The following EDA2R variants were observed in gnomAD, a reference collection of about 807,000 sequenced individuals.
The protein encoded by EDA2R is ectodysplasin A2 receptor, also known as tumor necrosis factor receptor superfamily member 27.
EDA2R carries 26 observed loss-of-function variants against 20.1 expected under a neutral mutation model. That is an observed-to-expected ratio of 1.30 (90% CI 0.95 to 1.80). The LOEUF (loss-of-function observed/expected upper bound fraction) is 1.80. EDA2R is among the 40% of genes most tolerant of loss of function. EDA2R has a pLI of 0.00. For missense variants in EDA2R, 277 were observed against 228.7 expected (o/e 1.21, Z -1.36); for synonymous variants, 114 against 88.7 (o/e 1.29, Z -1.60).
chrX:66,629,247 A>C (rs1933461973), intron 1 of EDA2R, among the ~76,000 whole-genome samples: 1 of 111,639 alleles, frequency 9.0e-6, no homozygotes, highest in Non-Finnish European at 1.9e-5. Context: ...CTGAATGGGG[A>C]AAAGTTAAAA....
At chrX:66,635,664 AAC>A (rs1214108130) in intron 1 of EDA2R, among the ~76,000 whole-genome samples, 2 of 112,196 alleles carry the variant, frequency 1.8e-5, no homozygotes, top group African/African-American at 3.2e-5. Flanking sequence ...CTTAAACCCT[AAC>A]AGCTGTGGAA....
chrX:66,599,222 A>G (rs1928041951), intron 6 of EDA2R, among the ~76,000 whole-genome samples: 1 of 111,245 alleles, frequency 9.0e-6, no homozygotes, highest in African/African-American at 3.3e-5. Context: ...CTTACGAAAG[A>G]CCAGAATGGA....
intron 1 of EDA2R, among the ~76,000 whole-genome samples, chrX:66,622,243 C>T (rs1342910869): frequency 9.0e-6 from 1 of 111,574 alleles, no homozygotes; most frequent in Non-Finnish European, 1.9e-5. Context: ...TGCAAGCAGA[C>T]AGGGAAGAGG....
chrX:66,616,087 GCTTC>G, intron 1 of EDA2R, 57 bp from the exon 2 acceptor site: 6 of 838,981 alleles, frequency 7.2e-6, no homozygotes, highest in Non-Finnish European at 1.1e-5. Context: ...ATAAGTAGTG[GCTTC>G]CATGCCACTT....
intron 2 of EDA2R, among the ~76,000 whole-genome samples, chrX:66,615,448 G>T (rs149713744): frequency 9.0e-6 from 1 of 111,638 alleles, no homozygotes; most frequent in Non-Finnish European, 1.9e-5. Flanking sequence ...TCTCTGCCTT[G>T]CTGGTCATTT....
intron 1 of EDA2R, among the ~76,000 whole-genome samples, chrX:66,619,009 G>C (rs1439431014): frequency 8.9e-6 from 1 of 112,151 alleles, no homozygotes; most frequent in Admixed American, 9.5e-5. Context: ...ATACATATGA[G>C]ACGTTTGGTA....
chrX:66,631,013 A>G, intron 1 of EDA2R, among the ~76,000 whole-genome samples: 1 of 109,971 alleles, frequency 9.1e-6, no homozygotes, highest in Non-Finnish European at 1.9e-5. Flanking sequence ...GTTTGTGTGT[A>G]TATATACATA....
rs1485743571 is a variant in EDA2R at position 66,597,430 on chromosome X, G to C, written c.*674C>G. On this transcript the variant is annotated 3_prime_UTR_variant, in exon 7 of 7. Transcript: ENST00000374719. ...ACTTTGGCTCAGAAATGTTCTGTAA[G>C]GTTCCAAAATGGCGAACTTCAGCCC... 8.9e-6 allele frequency: 1 copy of C among 111,798 alleles called. No individual in the cohort carries two copies. Among genetic ancestry groups the C allele is most frequent in the Non-Finnish European group, 1.9e-5 (1 of 53,195 alleles). 9.2% of individuals were successfully genotyped at this position (111,798 alleles called of 1,213,427 possible).
At chrX:66,635,735 A>G (rs1310545219) in intron 1 of EDA2R, among the ~76,000 whole-genome samples, 1 of 112,014 alleles carries the variant, frequency 8.9e-6, no homozygotes, top group Non-Finnish European at 1.9e-5. Flanking sequence ...TCTGGCACAG[A>G]TGCTTACTAA....
intron 1 of EDA2R, among the ~76,000 whole-genome samples, chrX:66,636,847 T>C (rs942327345): frequency 2.7e-5 from 3 of 110,489 alleles, no homozygotes; most frequent in East Asian, 2.9e-4. Flanking sequence ...CTACTTCTCA[T>C]TGGGCTTACT....
In EDA2R at chrX:66,595,723, G is replaced by A. The variant is rs1927324709; in HGVS notation, c.*2381C>T. 1 of 111,958 alleles carries A rather than the reference G, an allele frequency of 8.9e-6. No individual in the cohort carries two copies. Among genetic ancestry groups the A allele is most frequent in the South Asian group, 3.8e-4 (1 of 2,648 alleles). 9.2% of individuals were successfully genotyped at this position (111,958 alleles called of 1,213,427 possible). A position where few individuals can be genotyped will look rare whatever the true frequency, so the allele number is the denominator to read the frequency against. On this transcript the variant is annotated 3_prime_UTR_variant, in exon 7 of 7. Transcript: ENST00000374719. ...CATAGCCCTGCCAGTATCTACACAT[G>A]CATATGGCTCAAGAGTTAACAAAAT...
intron 1 of EDA2R, among the ~76,000 whole-genome samples, chrX:66,627,916 A>T (rs1266302948): frequency 8.9e-6 from 1 of 112,031 alleles, no homozygotes; most frequent in Non-Finnish European, 1.9e-5. Flanking sequence ...ACTTTCTCCA[A>T]GATAGGCCGT....
At chrX:66,621,755 G>A (rs546614121) in intron 1 of EDA2R, among the ~76,000 whole-genome samples, 2 of 111,702 alleles carry the variant, frequency 1.8e-5, no homozygotes, top group South Asian at 7.5e-4. Flanking sequence ...AAAGGGAAAT[G>A]GGAAGTGACT....
chrX:66,621,821 G>T (rs1470289876), intron 1 of EDA2R, among the ~76,000 whole-genome samples: 1 of 111,955 alleles, frequency 8.9e-6, no homozygotes, highest in Non-Finnish European at 1.9e-5. Context: ...ATTAGACAGT[G>T]GTGACGGTCG....
chrX:66,627,593 C>T, intron 1 of EDA2R, among the ~76,000 whole-genome samples: 1 of 112,172 alleles, frequency 8.9e-6, no homozygotes. Flanking sequence ...CAATCCTAAA[C>T]ATATATGCAA....
chrX:66,603,507 C>T (rs1329963356), intron 4 of EDA2R, among the ~76,000 whole-genome samples: 1 of 111,714 alleles, frequency 9.0e-6, no homozygotes, highest in Non-Finnish European at 1.9e-5. Flanking sequence ...AGTATGTCTC[C>T]TCCATCTCTT....
intron 1 of EDA2R, among the ~76,000 whole-genome samples, chrX:66,625,879 T>G (rs1353252733): frequency 2.7e-5 from 3 of 111,665 alleles, no homozygotes; most frequent in Non-Finnish European, 3.8e-5. Flanking sequence ...CAAAGCCGGA[T>G]AGACTTGGTG....
At chrX:66,634,181 T>C (rs1033731637) in intron 1 of EDA2R, among the ~76,000 whole-genome samples, 1 of 112,212 alleles carries the variant, frequency 8.9e-6, no homozygotes, top group African/African-American at 3.2e-5. Flanking sequence ...GAGGCATGTC[T>C]GTACAAAATG....
At chrX:66,626,054 G>A (rs769776968) in intron 1 of EDA2R, among the ~76,000 whole-genome samples, 50 of 111,191 alleles carry the variant, frequency 4.5e-4, no homozygotes, top group African/African-American at 1.3e-3. Context: ...CAGAGCCTAC[G>A]CAAATGAGAA....
Sources: gnomAD v4.1 joint callset for allele counts (sites outside exome capture counted in the v4.1 genomes callset) on GRCh38, gnomAD v4.1.1 for gene constraint, MANE v1.5 for transcripts, NCBI Gene and HGNC (gene_info 2026-07-23, HGNC 2026-07-21) for gene names.